MESP1: variants seen among roughly 807,000 people sequenced by gnomAD.
The protein encoded by MESP1 is mesoderm posterior protein 1.
Under a neutral mutation model 15.2 loss-of-function variants are expected in MESP1, and 22 were observed. That is an observed-to-expected ratio of 1.45 (90% CI 1.04 to 2.07). MESP1 has a LOEUF of 2.07. Ranked by LOEUF, MESP1 falls within the 30% of genes most tolerant of loss-of-function variation. The probability of loss-of-function intolerance (pLI) is 0.00; values close to 1 mark genes in which losing one functional copy is unlikely to be tolerated. For synonymous variants in MESP1, 216 were observed against 192.6 expected (o/e 1.12, Z -1.01); for missense variants, 484 against 411.9 (o/e 1.17, Z -1.51).
chr15:89,737,319 G>A, the MESP1 span, among the ~76,000 whole-genome samples: 1,140 of 152,314 alleles, frequency 7.5e-3, 18 homozygotes, highest in African/African-American at 0.026. Flanking sequence ...TTGGAAGAGA[G>A]GCTGGGAAAA....
chr15:89,750,898 A>G lies in MESP1; in HGVS notation c.334T>C (p.Ser112Pro). The change falls in exon 1 of 2, where the codon TCC (serine) becomes CCC (proline). Residue 112 changes from serine (S) to proline (P), a missense_variant. Physicochemically the swap from Ser to Pro is moderately conservative, Grantham distance 74. Coordinates refer to ENST00000300057, the MANE Select transcript of MESP1 (RefSeq NM_018670.4). ...AGGCTCTGGCCCGCGGGCGCCACGGACGGCGGTAGAAAGCGGCGCAGCTCG... is the reference window on the plus strand; with the variant it reads ...AGGCTCTGGCCCGCGGGCGCCACGGGCGGCGGTAGAAAGCGGCGCAGCTCG... ...LHELRRFLPPSVAPAGQSLTK... is the reference protein window; with the variant it reads ...LHELRRFLPPPVAPAGQSLTK... The G allele has an allele frequency of 6.7e-7, 1 of 1,491,722 alleles. No individual in the cohort carries two copies. Among genetic ancestry groups the G allele is most frequent in the Non-Finnish European group, 8.9e-7 (1 of 1,126,356 alleles). The allele number at this position is 1,491,722 out of a possible 1,614,324, so 92.4% of individuals were successfully genotyped here. A position where few individuals can be genotyped will look rare whatever the true frequency, so the allele number is the denominator to read the frequency against.
chr15:89,749,748 A>C (rs532568335), downstream of MESP1: 10 of 187,530 alleles, frequency 5.3e-5, no homozygotes, highest in African/African-American at 2.3e-4. Flanking sequence ...GGTAAGGCCA[A>C]AGGGGTCTGG....
chr15:89,732,787 T>G, the MESP1 span, among the ~76,000 whole-genome samples: 2 of 151,966 alleles, frequency 1.3e-5, no homozygotes, highest in African/African-American at 4.8e-5. Flanking sequence ...CTTCTCCCCC[T>G]CCCCAATTCC....
chr15:89,740,238 G>A, the MESP1 span, among the ~76,000 whole-genome samples: 2 of 152,122 alleles, frequency 1.3e-5, no homozygotes, highest in Admixed American at 6.6e-5. Flanking sequence ...TTACCACTAG[G>A]TGGCACCATA....
downstream of MESP1, among the ~76,000 whole-genome samples, chr15:89,745,574 T>C (rs1005804203): frequency 3.9e-5 from 6 of 152,012 alleles, no homozygotes; most frequent in African/African-American, 1.4e-4. The surrounding 1 kb of genome is among the most constrained non-coding windows in gnomAD (Gnocchi z 4.8). Flanking sequence ...CCATCCTGGC[T>C]AACAAGGTGA....
rs909227686 is a variant in MESP1, at chr15:89,749,999, T to C, written c.*145A>G. On this transcript the variant is annotated 3_prime_UTR_variant, in exon 2 of 2. Transcript: ENST00000300057. Reference sequence around the variant, plus strand: ...GAGGGGCTGAGAAGGGCCGCCGCGGTGGGGACGGCTCTCACCCGCAGGAAT... The same window carrying C: ...GAGGGGCTGAGAAGGGCCGCCGCGGCGGGGACGGCTCTCACCCGCAGGAAT... 1.9e-5 allele frequency: 15 copies of C among 770,222 alleles called. No homozygotes were observed. Among genetic ancestry groups the C allele is most frequent in the Admixed American group, 4.2e-5 (2 of 47,262 alleles). The allele number at this position is 770,222 out of a possible 1,614,324, so 47.7% of individuals were successfully genotyped here.
the MESP1 span, chr15:89,737,646 C>A: frequency 6.2e-7 from 1 of 1,614,072 alleles, no homozygotes; most frequent in Admixed American, 1.7e-5. Context: ...TGTGCCTTTG[C>A]CCCTCCGGGA....
the MESP1 span, chr15:89,738,166 G>C: frequency 1.2e-6 from 2 of 1,614,186 alleles, no homozygotes; most frequent in Non-Finnish European, 1.7e-6. Flanking sequence ...TCCTCAAAGG[G>C]ACTTGGATAA....
downstream of MESP1, among the ~76,000 whole-genome samples, chr15:89,747,014 C>T (rs114326587): frequency 9.2e-3 from 1,354 of 146,410 alleles, 33 homozygotes; most frequent in African/African-American, 0.033. Flanking sequence ...CATATGCTCA[C>T]GCACACACAC....
At position 89,751,043 on chromosome 15, in the gene MESP1, G is replaced by T. The variant is rs1209108340; in HGVS notation, c.189C>A (p.Asp63Glu). 2.2e-6 allele frequency: 3 copies of T among 1,339,948 alleles called. No homozygotes were observed. The highest frequency in any genetic ancestry group is 4.0e-5 in the South Asian group (2 of 49,738). The allele number at this position is 1,339,948 out of a possible 1,614,324, so 83.0% of individuals were successfully genotyped here. A position where few individuals can be genotyped will look rare whatever the true frequency, so the allele number is the denominator to read the frequency against. Residue 63 changes from aspartate (D) to glutamate (E), a missense_variant, in exon 1 of 2, where the codon GAC (aspartate) becomes GAA (glutamate). Asp to Glu is a conservative substitution (Grantham distance 45). Transcript: ENST00000300057. ...GCCTACCTACGGAGGGGGCGCGGGG[G>T]TCCCGGAGGGTGCCTGGCCGCGCGG... ...ASPARPGTLR[D>E]PRAPSVGRRG...
chr15:89,736,834 C>T, the MESP1 span, among the ~76,000 whole-genome samples: 1 of 151,112 alleles, frequency 6.6e-6, no homozygotes, highest in Non-Finnish European at 1.5e-5. Context: ...CTCTGCCGCC[C>T]AGGCTGGAGT....
At chr15:89,732,825 A>AT in the MESP1 span, among the ~76,000 whole-genome samples, 1 of 152,062 alleles carries the variant, frequency 6.6e-6, no homozygotes, top group East Asian at 1.9e-4. Context: ...ATTCCCCTGC[A>AT]GGGGGCTTTT....
downstream of MESP1, chr15:89,749,584 G>A (rs757667362): frequency 3.2e-5 from 5 of 154,340 alleles, no homozygotes; most frequent in Admixed American, 1.3e-4. Flanking sequence ...TAATGGAGTT[G>A]TATTTCTACA....
At chr15:89,741,797 G>A in the MESP1 span, among the ~76,000 whole-genome samples, 1 of 151,870 alleles carries the variant, frequency 6.6e-6, no homozygotes, top group Non-Finnish European at 1.5e-5. Context: ...CTGTCGCCAG[G>A]CTGGAGTGCA....
At chr15:89,745,708 G>A (rs749398504), downstream of MESP1, among the ~76,000 whole-genome samples, 3 of 152,030 alleles carry the variant, frequency 2.0e-5, no homozygotes, top group Non-Finnish European at 4.4e-5. This position sits in a 1 kb window ranked among gnomAD's most constrained non-coding sequence, Gnocchi z 4.8. Flanking sequence ...AGCTTGCAGT[G>A]AGCCAAGAAC....
the MESP1 span, chr15:89,743,186 C>T: frequency 9.0e-7 from 1 of 1,108,058 alleles, no homozygotes. Context: ...GGTGTGTCCT[C>T]TTAGAGTTTC....
At chr15:89,737,044 G>A in the MESP1 span, among the ~76,000 whole-genome samples, 2 of 152,156 alleles carry the variant, frequency 1.3e-5, no homozygotes, top group Non-Finnish European at 2.9e-5. Flanking sequence ...GCCCACCTTG[G>A]CCTCCCAAAG....
chr15:89,736,793 CTTTT>C, the MESP1 span, among the ~76,000 whole-genome samples: 3 of 130,530 alleles, frequency 2.3e-5, no homozygotes, highest in Admixed American at 7.7e-5. Context: ...TCAAAGGGGG[CTTTT>C]TTTTTTTTTT....
At position 89,751,073 on chromosome 15, in the gene MESP1, C is replaced by CT. The variant is rs2141756520; in HGVS notation, c.158_159insA (p.Ser54GlufsTer18). 1 of 1,319,222 alleles carries CT rather than the reference C, an allele frequency of 7.6e-7. No homozygotes were observed. Among genetic ancestry groups the CT allele is most frequent in the Non-Finnish European group, 9.6e-7 (1 of 1,039,342 alleles). 81.7% of individuals were successfully genotyped at this position (1,319,222 alleles called of 1,614,324 possible). ...GGAGGGTGCCTGGCCGCGCGGGGCT[C>CT]GCCACGGGGCTGTCGGCTGGGGTGC... On this transcript the variant is annotated frameshift_variant, in exon 1 of 2. Transcript: ENST00000300057. LOFTEE classifies it high-confidence loss of function.
Sources: allele counts gnomAD v4.1 joint callset (sites outside exome capture counted in the v4.1 genomes callset), GRCh38; gene constraint gnomAD v4.1.1; non-coding constraint Gnocchi (gnomAD v3.1); transcripts MANE v1.5; gene names NCBI Gene and HGNC (gene_info 2026-07-23, HGNC 2026-07-21).